NRG3: variants seen among roughly 807,000 people sequenced by gnomAD.
The protein encoded by NRG3 is neuregulin 3.
In NRG3, 31 loss-of-function variants were observed where a neutral mutation model predicts 66.9. The observed-to-expected ratio is 0.46, with a 90% CI of 0.35 to 0.63. The LOEUF (loss-of-function observed/expected upper bound fraction) is 0.63. Among genes scored for constraint, NRG3 ranks in the 20% least tolerant of loss-of-function variants. The probability of loss-of-function intolerance (pLI) is 0.00; values close to 1 mark genes in which losing one functional copy is unlikely to be tolerated. For synonymous variants in NRG3, 393 were observed against 359.4 expected, an observed-to-expected ratio of 1.09 and a Z score of -1.06; for missense variants, 910 against 878.9, an observed-to-expected ratio of 1.04 and a Z score of -0.45.
rs115182470 is a variant in NRG3, at chr10:82,067,730, A to T, written c.823+191567A>T. ...GGAACCACCAAATCAGAACTGTTAG[A>T]CCTCAAACAGTTGTTTTTGACACAG... On this transcript the variant is annotated intron_variant, in intron 1 of 8. Coordinates refer to ENST00000372141, the MANE Select transcript of NRG3 (RefSeq NM_001010848.4). Among the ~76,000 whole-genome samples the T allele has an allele frequency of 9.3e-3, 1,415 of 152,248 alleles. 25 individuals carry two copies. The highest frequency in any genetic ancestry group is 0.032 in the African/African-American group (1,333 of 41,524).
chr10:82,322,478 G>T (rs1485639633), intron 1 of NRG3, among the ~76,000 whole-genome samples: 1 of 151,856 alleles, frequency 6.6e-6, no homozygotes, highest in Non-Finnish European at 1.5e-5. Flanking sequence ...TGTTTAGTTA[G>T]TTCTAGCTTT....
chr10:82,271,526 C>T (rs1337237136), intron 1 of NRG3, among the ~76,000 whole-genome samples: 2 of 151,998 alleles, frequency 1.3e-5, no homozygotes, highest in African/African-American at 4.8e-5. Context: ...AAACTCTTTG[C>T]CTCTTATCCC....
At chr10:82,713,119 CAAAAAAAAAAAAAA>C (rs369968319) in intron 2 of NRG3, among the ~76,000 whole-genome samples, 48 of 55,344 alleles carry the variant, frequency 8.7e-4, no homozygotes, top group African/African-American at 3.4e-3. Context: ...GACTTCATCT[CAAAAAAAAAAAAAA>C]AAAAAAAAAA....
In NRG3 at chr10:82,917,301, T is replaced by A. The variant is rs183431395; in HGVS notation, c.1055-34168T>A. Among the ~76,000 whole-genome samples, 151 of 152,204 alleles carry A rather than the reference T, an allele frequency of 9.9e-4. No homozygotes were observed. In the South Asian group the frequency reaches 0.011, roughly 11 times the overall value. On this transcript the variant is annotated intron_variant, in intron 4 of 8. Coordinates refer to ENST00000372141, the MANE Select transcript of NRG3 (RefSeq NM_001010848.4). ...TAGCTCAGGTTATGGTCTTAGTAAATCTCCTGAGTGTAACGTCTTGACCAA... is the reference window on the plus strand; with the variant it reads ...TAGCTCAGGTTATGGTCTTAGTAAAACTCCTGAGTGTAACGTCTTGACCAA...
intron 1 of NRG3, among the ~76,000 whole-genome samples, chr10:82,049,131 C>T (rs4933823): frequency 0.64 from 96,684 of 151,920 alleles, 32,344 homozygotes; most frequent in South Asian, 0.87. Flanking sequence ...ATTTATTCTT[C>T]GTACGGTATA....
chr10:82,024,609 T>C (rs1283289554), intron 1 of NRG3, among the ~76,000 whole-genome samples: 1 of 152,008 alleles, frequency 6.6e-6, no homozygotes, highest in Admixed American at 6.6e-5. Flanking sequence ...AAAGCTGAAT[T>C]CAAGGTGTGT....
At chr10:81,949,278 G>A (rs1009760583) in intron 1 of NRG3, among the ~76,000 whole-genome samples, 1 of 152,096 alleles carries the variant, frequency 6.6e-6, no homozygotes, top group Non-Finnish European at 1.5e-5. Flanking sequence ...TTACATATGA[G>A]AATCATAAGA....
chr10:82,800,460 C>A (rs1205386690), intron 3 of NRG3, among the ~76,000 whole-genome samples: 1 of 152,044 alleles, frequency 6.6e-6, no homozygotes. Flanking sequence ...ATCATTAGCA[C>A]CATTCATTCA....
chr10:82,655,721 ATCTAAAAG>A (rs1203349910), intron 2 of NRG3, among the ~76,000 whole-genome samples: 2 of 152,216 alleles, frequency 1.3e-5, no homozygotes, highest in Non-Finnish European at 2.9e-5. Context: ...CTCAAAAACA[ATCTAAAAG>A]CTCATCACTA....
At chr10:82,689,340 T>A (rs1272239039) in intron 2 of NRG3, among the ~76,000 whole-genome samples, 1 of 152,166 alleles carries the variant, frequency 6.6e-6, no homozygotes, top group Non-Finnish European at 1.5e-5. Context: ...AAACAAGGCA[T>A]TTTTCTCCTG....
chr10:82,384,054 T>C (rs2085810751), intron 2 of NRG3, among the ~76,000 whole-genome samples: 1 of 152,104 alleles, frequency 6.6e-6, no homozygotes, highest in African/African-American at 2.4e-5. Flanking sequence ...TTTTGACAGA[T>C]AATTTTGAAT....
chr10:82,079,232 G>A (rs1258562391), intron 1 of NRG3, among the ~76,000 whole-genome samples: 1 of 151,694 alleles, frequency 6.6e-6, no homozygotes, highest in African/African-American at 2.4e-5. Flanking sequence ...TTTAGTAGAG[G>A]TGGAGTTTCA....
chr10:82,819,380 C>T (rs1283864615), intron 3 of NRG3, among the ~76,000 whole-genome samples: 1 of 152,048 alleles, frequency 6.6e-6, no homozygotes, highest in African/African-American at 2.4e-5. Flanking sequence ...GCTAGGAGAC[C>T]TGATAGGAAT....
intron 1 of NRG3, among the ~76,000 whole-genome samples, chr10:82,275,370 G>T (rs1366583513): frequency 1.3e-5 from 2 of 151,960 alleles, no homozygotes; most frequent in African/African-American, 4.8e-5. Context: ...TAGGTGGACA[G>T]TAACAATATG....
intron 1 of NRG3, among the ~76,000 whole-genome samples, chr10:82,057,912 T>G (rs1014925891): frequency 1.3e-5 from 2 of 152,042 alleles, no homozygotes; most frequent in African/African-American, 4.8e-5. Context: ...GCATATAAAC[T>G]GAAGAAAACT....
intron 2 of NRG3, among the ~76,000 whole-genome samples, chr10:82,654,157 G>A (rs2051662489): frequency 6.6e-6 from 1 of 152,084 alleles, no homozygotes; most frequent in East Asian, 1.9e-4. Flanking sequence ...GTGATAGGCT[G>A]GACATGACCC....
At chr10:82,610,451 A>G (rs2048241663) in intron 2 of NRG3, among the ~76,000 whole-genome samples, 1 of 152,168 alleles carries the variant, frequency 6.6e-6, no homozygotes, top group Non-Finnish European at 1.5e-5. Context: ...TAAAAATAGG[A>G]ATTATACTGG....
intron 1 of NRG3, among the ~76,000 whole-genome samples, chr10:82,183,925 G>A (rs778422954): frequency 1.2e-4 from 18 of 152,096 alleles, no homozygotes; most frequent in African/African-American, 4.1e-4. Context: ...TCTAGTTGTC[G>A]TGTTGTTTCC....
chr10:82,165,115 A>G (rs927999190), intron 1 of NRG3, among the ~76,000 whole-genome samples: 2 of 152,140 alleles, frequency 1.3e-5, no homozygotes, highest in Non-Finnish European at 2.9e-5. Flanking sequence ...TATGGATGCT[A>G]CCATTTGCTA....
Sources: gnomAD v4.1 joint callset for allele counts (sites outside exome capture counted in the v4.1 genomes callset) on GRCh38, gnomAD v4.1.1 for gene constraint, MANE v1.5 for transcripts, NCBI Gene and HGNC (gene_info 2026-07-23, HGNC 2026-07-21) for gene names.